Variants in PACSIN2 observed in about 807,000 individuals in gnomAD.
The protein encoded by PACSIN2 is protein kinase C and casein kinase substrate in neurons protein 2.
Under a neutral mutation model 63.8 loss-of-function variants are expected in PACSIN2, and 25 were observed. That is an observed-to-expected ratio of 0.39 (90% CI 0.29 to 0.55). The LOEUF (loss-of-function observed/expected upper bound fraction) is 0.55, where lower values mean the gene tolerates loss of function less well. Among genes scored for constraint, PACSIN2 ranks in the 20% least tolerant of loss-of-function variants. PACSIN2 has a pLI of 0.62. For synonymous variants in PACSIN2, 255 were observed against 256.2 expected (o/e 1.00, Z 0.05); for missense variants, 518 against 646.9 (o/e 0.80, Z 2.16).
At chr22:42,894,748 C>T (rs764704017) in intron 2 of PACSIN2, among the ~76,000 whole-genome samples, 6 of 152,212 alleles carry the variant, frequency 3.9e-5, no homozygotes, top group Admixed American at 6.5e-5. Flanking sequence ...ATTCTTTTAG[C>T]TGCTGGCTTG....
intron 1 of PACSIN2, among the ~76,000 whole-genome samples, chr22:42,982,946 T>G (rs1182545944): frequency 6.8e-6 from 1 of 146,950 alleles, no homozygotes; most frequent in Non-Finnish European, 1.5e-5. Context: ...CTTGGGAGAC[T>G]TAGGCAGGCA....
intron 4 of PACSIN2, among the ~76,000 whole-genome samples, chr22:42,890,231 A>C (rs1267832814): frequency 6.6e-6 from 1 of 151,914 alleles, no homozygotes; most frequent in Non-Finnish European, 1.5e-5. Context: ...CAATCTCCTG[A>C]CCTCGTGATC....
chr22:43,001,811 C>A (rs959585839), intron 1 of PACSIN2, among the ~76,000 whole-genome samples: 1 of 152,172 alleles, frequency 6.6e-6, no homozygotes, highest in Non-Finnish European at 1.5e-5. Flanking sequence ...GTGGAGGCAT[C>A]GCAGGAATTC....
intron 8 of PACSIN2, 82 bp from the exon 9 acceptor site, chr22:42,877,092 CAA>C (rs1928700915): frequency 2.0e-6 from 3 of 1,495,412 alleles, no homozygotes; most frequent in East Asian, 4.5e-5. Flanking sequence ...TGCAGGATCT[CAA>C]GAGACAAATC....
rs561525744 is a variant in PACSIN2, at chr22:42,908,058, A to G, written c.60+3963T>C. Among the ~76,000 whole-genome samples the G allele has an allele frequency of 2.6e-5, 4 of 152,342 alleles. No homozygotes were observed. In the South Asian group the frequency reaches 8.3e-4, roughly 32 times the overall value. On this transcript the variant is annotated intron_variant, in intron 2 of 10. Transcript: ENST00000263246. ...GGCTAACATTCCCAGAATATTTGAC[A>G]CAAGATACTTATGTTCTCTTCATCT...
intron 1 of PACSIN2, among the ~76,000 whole-genome samples, chr22:42,944,523 C>T (rs1933321084): frequency 6.6e-6 from 1 of 152,168 alleles, no homozygotes; most frequent in Non-Finnish European, 1.5e-5. Flanking sequence ...ATAACAGTTA[C>T]CAACCTCTGA....
At chr22:42,937,396 C>T (rs1197616337) in intron 1 of PACSIN2, among the ~76,000 whole-genome samples, 1 of 151,982 alleles carries the variant, frequency 6.6e-6, no homozygotes, top group Non-Finnish European at 1.5e-5. Flanking sequence ...TGTGGGTGAG[C>T]CCAGGCAGGC....
At chr22:42,962,177 A>G (rs1934159402) in intron 1 of PACSIN2, among the ~76,000 whole-genome samples, 1 of 115,546 alleles carries the variant, frequency 8.7e-6, no homozygotes, top group Non-Finnish European at 1.7e-5. Flanking sequence ...CCAGGATACC[A>G]GAAAACTTTT....
chr22:42,883,736 T>C (rs1406417107), intron 6 of PACSIN2, among the ~76,000 whole-genome samples: 1 of 152,226 alleles, frequency 6.6e-6, no homozygotes, highest in Non-Finnish European at 1.5e-5. Flanking sequence ...CCAGGTGCGG[T>C]GGCTCACGCC....
intron 1 of PACSIN2, among the ~76,000 whole-genome samples, chr22:43,008,826 A>C (rs1010134014): frequency 3.3e-5 from 5 of 152,226 alleles, no homozygotes; most frequent in African/African-American, 1.2e-4. Context: ...TGGAATTTTT[A>C]CTTAACATTT....
intron 5 of PACSIN2, among the ~76,000 whole-genome samples, chr22:42,887,390 A>T (rs1602185473): frequency 6.6e-6 from 1 of 152,254 alleles, no homozygotes; most frequent in South Asian, 2.1e-4. Flanking sequence ...AACCTCTCTG[A>T]TCTTGGTTTC....
intron 1 of PACSIN2, among the ~76,000 whole-genome samples, chr22:42,943,859 CACAAT>C (rs962873892): frequency 3.3e-5 from 5 of 152,064 alleles, no homozygotes; most frequent in African/African-American, 4.8e-5. Flanking sequence ...TAAACTTTTG[CACAAT>C]ACAATATAGA....
At chr22:42,906,718 TCAGAAATCC>T (rs1931099366) in intron 2 of PACSIN2, among the ~76,000 whole-genome samples, 1 of 152,174 alleles carries the variant, frequency 6.6e-6, no homozygotes, top group African/African-American at 2.4e-5. Flanking sequence ...AGCAGCCTGT[TCAGAAATCC>T]CAGAACAGCC....
intron 1 of PACSIN2, among the ~76,000 whole-genome samples, chr22:42,982,652 G>A (rs1249364153): frequency 1.5e-5 from 2 of 130,556 alleles, no homozygotes; most frequent in Admixed American, 8.7e-5. Flanking sequence ...GATGTGCTTT[G>A]TTAAACAGAT....
chr22:43,005,794 G>C (rs1323800091), intron 1 of PACSIN2, among the ~76,000 whole-genome samples: 1 of 152,114 alleles, frequency 6.6e-6, no homozygotes, highest in Non-Finnish European at 1.5e-5. Context: ...AAAATCCTAT[G>C]AGGAAGGGCT....
intron 1 of PACSIN2, among the ~76,000 whole-genome samples, chr22:43,012,934 C>A (rs4820503): frequency 4.6e-5 from 7 of 151,888 alleles, no homozygotes; most frequent in Non-Finnish European, 8.8e-5. Flanking sequence ...AGATTACAGG[C>A]GTGAGCCACC....
intron 2 of PACSIN2, among the ~76,000 whole-genome samples, chr22:42,902,784 T>G (rs973851612): frequency 3.9e-5 from 6 of 152,146 alleles, no homozygotes; most frequent in Non-Finnish European, 7.4e-5. Context: ...TGGCTAATTT[T>G]TGTATTTTTA....
chr22:42,888,561 G>T, intron 5 of PACSIN2, 82 bp downstream of exon 5: 2 of 1,359,732 alleles, frequency 1.5e-6, no homozygotes, highest in Non-Finnish European at 2.1e-6. Flanking sequence ...ATTCACCCAA[G>T]CAGTTACAGA....
At chr22:42,964,772 C>A (rs1227791176) in intron 1 of PACSIN2, among the ~76,000 whole-genome samples, 1 of 152,114 alleles carries the variant, frequency 6.6e-6, no homozygotes, top group Non-Finnish European at 1.5e-5. Flanking sequence ...CAAGCCTTTT[C>A]CATTAGGAAT....
Sources: allele counts gnomAD v4.1 joint callset (sites outside exome capture counted in the v4.1 genomes callset), GRCh38; gene constraint gnomAD v4.1.1; transcripts MANE v1.5; gene names NCBI Gene and HGNC (gene_info 2026-07-23, HGNC 2026-07-21).